Variants in TGFBR3 observed in about 807,000 individuals in gnomAD.
The protein encoded by TGFBR3 is transforming growth factor beta receptor 3.
TGFBR3 carries 46 observed loss-of-function variants against 87.9 expected under a neutral mutation model. That is an observed-to-expected ratio of 0.52 (90% CI 0.41 to 0.67). TGFBR3 has a LOEUF of 0.67. Ranked by LOEUF, TGFBR3 falls within the 30% of genes least tolerant of loss-of-function variation. The pLI is 0.00. For synonymous variants in TGFBR3, 381 were observed against 391.6 expected (o/e 0.97, Z 0.32); for missense variants, 866 against 1,041.9 (o/e 0.83, Z 2.32).
At chr1:91,875,522 A>G (rs900510041) in intron 1 of TGFBR3, among the ~76,000 whole-genome samples, 2 of 151,898 alleles carry the variant, frequency 1.3e-5, no homozygotes, top group Non-Finnish European at 2.9e-5. Flanking sequence ...AAAAGAAAAG[A>G]AGAGGGGAGA....
Position 91,734,812 on chromosome 1 carries a change from T to C in TGFBR3, c.532A>G (p.Lys178Glu). The C allele has an allele frequency of 6.2e-7, 1 of 1,614,244 alleles. No individual in the cohort carries two copies. The highest frequency in any genetic ancestry group is 8.5e-7 in the Non-Finnish European group (1 of 1,180,022). ...YGAVTSFTEL[K>E]IARNIYIKVG... ...TTAATATAAATGTTTCTTGCTATCT[T>C]GAGTTCGGTGAATGAAGTAACTGCT... Residue 178 changes from lysine to glutamate, a missense_variant, in exon 5 of 17, where the codon AAG (lysine) becomes GAG (glutamate). Transcript: ENST00000212355.
Position 91,681,821 on chromosome 1 carries a change from C to T in TGFBR3, c.*1918G>A, listed in dbSNP as rs1424974818. The T allele has an allele frequency of 6.6e-6, 3 of 453,286 alleles. No homozygotes were observed. The highest frequency in any genetic ancestry group is 6.8e-4 in the Middle Eastern group (1 of 1,460). 28.1% of individuals were successfully genotyped at this position (453,286 alleles called of 1,614,324 possible). ...ATAGAATATGCTGAAACAATACATT[C>T]CACCGAAGGTTAGGCAAAGCGCAAT... On this transcript the variant is annotated 3_prime_UTR_variant, in exon 17 of 17. Transcript: ENST00000212355.
intron 7 of TGFBR3, among the ~76,000 whole-genome samples, chr1:91,725,880 T>C (rs1036794037): frequency 2.6e-5 from 4 of 152,228 alleles, no homozygotes; most frequent in African/African-American, 9.6e-5. Context: ...CCTTTCTAAA[T>C]AGTAATTTAA....
chr1:91,798,345 C>T (rs539235632), intron 2 of TGFBR3, among the ~76,000 whole-genome samples: 6 of 152,316 alleles, frequency 3.9e-5, no homozygotes, highest in East Asian at 1.9e-4. Flanking sequence ...AGAATAGCTG[C>T]CCTACCAAAT....
chr1:91,850,035 C>T (rs956098317), intron 2 of TGFBR3, among the ~76,000 whole-genome samples: 1 of 135,862 alleles, frequency 7.4e-6, no homozygotes, highest in Admixed American at 8.2e-5. Flanking sequence ...GAGCTGAGAT[C>T]GCGTCACTGC....
chr1:91,747,950 C>A (rs975243697), intron 4 of TGFBR3, among the ~76,000 whole-genome samples: 3 of 152,168 alleles, frequency 2.0e-5, no homozygotes, highest in African/African-American at 7.2e-5. Flanking sequence ...TAAATCTCTT[C>A]ATATATATAT....
chr1:91,744,842 A>G (rs778453525), intron 4 of TGFBR3, among the ~76,000 whole-genome samples: 4 of 152,222 alleles, frequency 2.6e-5, no homozygotes, highest in African/African-American at 4.8e-5. Flanking sequence ...CACTGATGAT[A>G]AAAAGCCAAG....
intron 16 of TGFBR3, among the ~76,000 whole-genome samples, chr1:91,695,325 C>G (rs1671396500): frequency 6.6e-6 from 1 of 152,128 alleles, no homozygotes; most frequent in South Asian, 2.1e-4. Context: ...TTCACTTCCT[C>G]TCATGTATAT....
chr1:91,806,318 C>T (rs1467649166), intron 2 of TGFBR3, among the ~76,000 whole-genome samples: 1 of 152,176 alleles, frequency 6.6e-6, no homozygotes, highest in Non-Finnish European at 1.5e-5. Flanking sequence ...TTACAGAACC[C>T]CCACATCCCT....
At chr1:91,776,735 C>T (rs1369750890) in intron 3 of TGFBR3, among the ~76,000 whole-genome samples, 1 of 152,176 alleles carries the variant, frequency 6.6e-6, no homozygotes. Context: ...CATGACCCTC[C>T]AAACACTTGG....
chr1:91,757,815 G>A (rs1673801826), intron 4 of TGFBR3, among the ~76,000 whole-genome samples: 3 of 152,226 alleles, frequency 2.0e-5, no homozygotes, highest in African/African-American at 7.2e-5. Flanking sequence ...CATGAGGCAA[G>A]AGGAAAACTA....
chr1:91,735,405 A>G (rs1213183891), intron 4 of TGFBR3, among the ~76,000 whole-genome samples: 1 of 152,238 alleles, frequency 6.6e-6, no homozygotes, highest in African/African-American at 2.4e-5. Flanking sequence ...CAGGTCTTCC[A>G]CAGTTGCAGC....
chr1:91,782,239 C>T (rs7526549), intron 3 of TGFBR3, among the ~76,000 whole-genome samples: 2 of 152,078 alleles, frequency 1.3e-5, no homozygotes, highest in African/African-American at 4.8e-5. Context: ...GGGATGAGGG[C>T]GTTCAGAATA....
At chr1:91,839,521 T>C (rs1370621480) in intron 2 of TGFBR3, among the ~76,000 whole-genome samples, 1 of 152,210 alleles carries the variant, frequency 6.6e-6, no homozygotes, top group Non-Finnish European at 1.5e-5. Flanking sequence ...GTGACCAAGA[T>C]TAACGTCACT....
At chr1:91,863,617 G>A (rs540739792) in intron 1 of TGFBR3, among the ~76,000 whole-genome samples, 1 of 152,268 alleles carries the variant, frequency 6.6e-6, no homozygotes, top group South Asian at 2.1e-4. Context: ...AGCTATTTAT[G>A]TAATTCTTAG....
chr1:91,723,732 C>T (rs1463197652), intron 7 of TGFBR3, among the ~76,000 whole-genome samples: 1 of 152,142 alleles, frequency 6.6e-6, no homozygotes, highest in East Asian at 1.9e-4. Flanking sequence ...TCAACAACTG[C>T]ACCAACAGGG....
chr1:91,894,524 A>C (rs1418743054), intron 2 of TGFBR3, among the ~76,000 whole-genome samples: 1 of 152,166 alleles, frequency 6.6e-6, no homozygotes, highest in East Asian at 1.9e-4. Context: ...TGTCAAGGTC[A>C]CCTTGTGGCA....
chr1:91,761,607 C>A (rs934901946), intron 3 of TGFBR3, among the ~76,000 whole-genome samples: 1 of 152,128 alleles, frequency 6.6e-6, no homozygotes, highest in Admixed American at 6.5e-5. Flanking sequence ...ATGCTTCCCC[C>A]GCTTGAGTAA....
chr1:91,885,483 T>C (rs1679262074), intron 1 of TGFBR3, among the ~76,000 whole-genome samples: 4 of 151,890 alleles, frequency 2.6e-5, no homozygotes, highest in Non-Finnish European at 4.4e-5. Flanking sequence ...GCCACGGCAA[T>C]TGACTGCGAA....
Sources: allele counts gnomAD v4.1 joint callset (sites outside exome capture counted in the v4.1 genomes callset), GRCh38; gene constraint gnomAD v4.1.1; transcripts MANE v1.5; gene names NCBI Gene and HGNC (gene_info 2026-07-23, HGNC 2026-07-21).